The following EFCC1 variants were observed in gnomAD, a reference collection of about 807,000 sequenced individuals.
EFCC1 encodes the protein EF-hand and coiled-coil domain-containing protein 1.
Under a neutral mutation model 52.1 loss-of-function variants are expected in EFCC1, and 50 were observed. The ratio of observed to expected loss-of-function variants is 0.96; its 90% CI spans 0.76 to 1.21. EFCC1 has a LOEUF of 1.21. Among genes scored for constraint, EFCC1 ranks in the 50% most tolerant of loss-of-function variants. The pLI is 0.00. For missense variants in EFCC1, 837 were observed against 867.3 expected (o/e 0.97, Z 0.44); for synonymous variants, 399 against 396.5 (o/e 1.01, Z -0.08).
At chr3:129,009,012 G>C (rs1050067933) in intron 2 of EFCC1, among the ~76,000 whole-genome samples, 1 of 132,834 alleles carries the variant, frequency 7.5e-6, no homozygotes, top group Non-Finnish European at 1.6e-5. Flanking sequence ...TTGGCGGGGT[G>C]GGGGGCGGGG....
intron 2 of EFCC1, among the ~76,000 whole-genome samples, chr3:129,022,238 G>A (rs1001270768): frequency 1.3e-5 from 2 of 152,236 alleles, no homozygotes; most frequent in African/African-American, 4.8e-5. Context: ...GCCAGGCCCA[G>A]CTAGCACAGA....
At chr3:129,028,208 T>G (rs1946183214) in intron 2 of EFCC1, among the ~76,000 whole-genome samples, 1 of 151,628 alleles carries the variant, frequency 6.6e-6, no homozygotes, top group Admixed American at 6.6e-5. Flanking sequence ...CACAGCCTCC[T>G]GAGTAGCTGG....
At chr3:129,027,394 G>C (rs1393229981) in intron 2 of EFCC1, among the ~76,000 whole-genome samples, 2 of 152,160 alleles carry the variant, frequency 1.3e-5, no homozygotes, top group Non-Finnish European at 2.9e-5. Flanking sequence ...GGCCCTCCAA[G>C]TGCCAAGTCC....
At chr3:129,039,474 G>T (rs1946396955) in intron 7 of EFCC1, among the ~76,000 whole-genome samples, 1 of 152,226 alleles carries the variant, frequency 6.6e-6, no homozygotes, top group South Asian at 2.1e-4. Context: ...GCAGAGCTCA[G>T]ATGCACCCAC....
chr3:129,021,976 T>C (rs929974350), intron 2 of EFCC1, among the ~76,000 whole-genome samples: 26 of 152,068 alleles, frequency 1.7e-4, no homozygotes, highest in African/African-American at 6.3e-4. Context: ...AGGGCGTCAG[T>C]GTGTTAGGGT....
In EFCC1 at chr3:129,005,805, A is replaced by G. The variant is rs529197887; in HGVS notation, c.980+1728A>G. On this transcript the variant is annotated intron_variant, in intron 2 of 7. Transcript: ENST00000683648. ...AGACTCTGGGCCAGCCTCCTGCAGC[A>G]TGCAGTGTTTGGAGAGCCACTTCCT... Among the ~76,000 whole-genome samples the G allele has an allele frequency of 2.0e-5, 3 of 152,390 alleles. No homozygotes were observed. In the East Asian group the frequency reaches 5.8e-4, roughly 29 times the overall value.
rs1319555347 is a variant in EFCC1, at chr3:129,002,109, C to A, written c.481C>A (p.Leu161Met). 2.7e-6 allele frequency: 4 copies of A among 1,490,586 alleles called. No homozygotes were observed. In the African/African-American group the frequency reaches 4.4e-5, roughly 16 times the overall value. The allele number at this position is 1,490,586 out of a possible 1,614,324, so 92.3% of individuals were successfully genotyped here. Reference sequence around the variant, plus strand: ...CTTCGGCACCCGTGCGGGGCCCCGGCTGCCCCGCGGCGCTCTCAGCGAGCA... The same window carrying A: ...CTTCGGCACCCGTGCGGGGCCCCGGATGCCCCGCGGCGCTCTCAGCGAGCA... ...GYFGTRAGPR[L>M]PRGALSEHIE... The change falls in exon 1 of 8, where the codon CTG becomes ATG. Residue 161 changes from leucine to methionine, a missense_variant. Coordinates refer to ENST00000683648, the MANE Select transcript of EFCC1 (RefSeq NM_001377500.1).
chr3:129,026,934 C>A (rs992354500), intron 2 of EFCC1, among the ~76,000 whole-genome samples: 1 of 152,184 alleles, frequency 6.6e-6, no homozygotes, highest in Non-Finnish European at 1.5e-5. Context: ...TCAAAAAACA[C>A]GAAATTCCAG....
At chr3:129,025,960 G>A (rs181805532) in intron 2 of EFCC1, among the ~76,000 whole-genome samples, 50 of 152,338 alleles carry the variant, frequency 3.3e-4, no homozygotes, top group African/African-American at 1.2e-3. Flanking sequence ...CTTGTGCCTG[G>A]CATGTGGGCC....
In EFCC1 at chr3:129,001,820, C is replaced by T. The variant is rs1944775204; in HGVS notation, c.192C>T (p.His64=). 6.5e-7 allele frequency: 1 copy of T among 1,545,634 alleles called. No homozygotes were observed. Among genetic ancestry groups the T allele is most frequent in the Non-Finnish European group, 8.7e-7 (1 of 1,145,752 alleles). Reference sequence around the variant, plus strand: ...ACCAGTACCTGCAGGAGGTCTTCCACCACCTGGACTGCCGCGGCGCCGGCC... The same window carrying T: ...ACCAGTACCTGCAGGAGGTCTTCCATCACCTGGACTGCCGCGGCGCCGGCC... ...GLDQYLQEVF[H]HLDCRGAGRL... Residue 64 remains histidine, a synonymous_variant, in exon 1 of 8, where the codon CAC becomes CAT. Coordinates refer to ENST00000683648, the MANE Select transcript of EFCC1 (RefSeq NM_001377500.1).
intron 2 of EFCC1, among the ~76,000 whole-genome samples, chr3:129,020,306 C>G (rs1283178882): frequency 6.6e-6 from 1 of 152,188 alleles, no homozygotes. Context: ...TTAGCCCTGA[C>G]TTGCACCCTA....
intron 6 of EFCC1, among the ~76,000 whole-genome samples, chr3:129,038,571 G>A (rs1327326065): frequency 7.2e-5 from 11 of 152,246 alleles, no homozygotes; most frequent in African/African-American, 2.7e-4. Flanking sequence ...GTGTCTACCT[G>A]GGCACAGATG....
rs200740624 is a variant in EFCC1, at chr3:129,027,791, T to TA, written c.981-2907dup. On this transcript the variant is annotated intron_variant, in intron 2 of 7. Transcript: ENST00000683648. Reference sequence around the variant, plus strand: ...GGCAACATGGAAACCTCGACTCTACTAAAAATACAAAAGTTAGCCGGGCAT... The same window carrying TA: ...GGCAACATGGAAACCTCGACTCTACTAAAAAATACAAAAGTTAGCCGGGCAT... Among the ~76,000 whole-genome samples, 6 of 152,014 alleles carry TA rather than the reference T, an allele frequency of 3.9e-5. No homozygotes were observed. The East Asian group carries it at 1.2e-3, about 30-fold the overall frequency.
rs1440894965 is a variant in EFCC1, at chr3:129,001,311, AGGAACGCCCCGT to A, written c.-316_-305del. 6.6e-6 allele frequency among the ~76,000 whole-genome samples: 1 copy of A among 152,158 alleles called. No homozygotes were observed. The highest frequency in any genetic ancestry group is 1.5e-5 in the Non-Finnish European group (1 of 68,026). The stretch of plus-strand genomic sequence containing the variant: ...GAGTGGGAGGAAAAGCGCAGACGCC[AGGAACGCCCCGT>A]GAGTGAGGAGAGGAGAGCGTGGGAG... On this transcript the variant is annotated 5_prime_UTR_variant, in exon 1 of 8. Coordinates refer to ENST00000683648, the MANE Select transcript of EFCC1 (RefSeq NM_001377500.1).
intron 2 of EFCC1, among the ~76,000 whole-genome samples, chr3:129,029,107 CT>C (rs1320445042): frequency 1.3e-5 from 2 of 152,156 alleles, no homozygotes; most frequent in Non-Finnish European, 2.9e-5. Context: ...CCGTGTCCCC[CT>C]GACCAACACC....
rs898485436 is a variant in EFCC1, at chr3:129,014,927, T to A, written c.980+10850T>A. Among the ~76,000 whole-genome samples, 2 of 151,890 alleles carry A rather than the reference T, an allele frequency of 1.3e-5. No individual in the cohort carries two copies. The highest frequency in any genetic ancestry group is 2.9e-5 in the Non-Finnish European group (2 of 67,932). ...ACACGGAGTCCTGCTAAGTCTCAGC[T>A]CCAAGTGGCTCAGACCCACCTGCTA... On this transcript the variant is annotated intron_variant, in intron 2 of 7. Transcript: ENST00000683648. The surrounding 1 kb of genome is among the most constrained non-coding windows in gnomAD (Gnocchi z 4.3).
chr3:129,003,911 G>T lies in EFCC1; in HGVS notation c.814G>T (p.Gly272Trp). 1 of 1,353,306 alleles carries T rather than the reference G, an allele frequency of 7.4e-7. No individual in the cohort carries two copies. Among genetic ancestry groups the T allele is most frequent in the South Asian group, 1.7e-5 (1 of 57,582 alleles). 83.8% of individuals were successfully genotyped at this position (1,353,306 alleles called of 1,614,324 possible). A position where few individuals can be genotyped will look rare whatever the true frequency, so the allele number is the denominator to read the frequency against. The change falls in exon 2 of 8, where the codon GGG becomes TGG. Residue 272 changes from glycine (G) to tryptophan (W), a missense_variant. Coordinates refer to ENST00000683648, the MANE Select transcript of EFCC1 (RefSeq NM_001377500.1). ...CCTGGCTGCGGCGGAGGCCCGCGCT[G>T]GGCGGCTGCGCCGTGGCCAGGCCGA... is the stretch of plus-strand genomic sequence containing the variant. ...GALAAAEARA[G>W]RLRRGQAEVR...
At chr3:129,002,871 G>C (rs1203576475) in intron 1 of EFCC1, among the ~76,000 whole-genome samples, 1 of 152,204 alleles carries the variant, frequency 6.6e-6, no homozygotes, top group Non-Finnish European at 1.5e-5. Flanking sequence ...CTCACACTGT[G>C]GATCAGGCAC....
intron 2 of EFCC1, among the ~76,000 whole-genome samples, chr3:129,022,037 C>T (rs1009667375): frequency 2.6e-5 from 4 of 152,208 alleles, no homozygotes; most frequent in African/African-American, 2.4e-5. Context: ...GCGCAGAGCT[C>T]TGCTCTCACA....
Sources: gnomAD v4.1 joint callset for allele counts (sites outside exome capture counted in the v4.1 genomes callset) on GRCh38, gnomAD v4.1.1 for gene constraint, Gnocchi (gnomAD v3.1) non-coding constraint, MANE v1.5 for transcripts, NCBI Gene and HGNC (gene_info 2026-07-23, HGNC 2026-07-21) for gene names.